The following PLXDC2 variants were observed in gnomAD, a reference collection of about 807,000 sequenced individuals.
PLXDC2 encodes the protein plexin domain-containing protein 2.
Under a neutral mutation model 68.9 loss-of-function variants are expected in PLXDC2, and 40 were observed. The ratio of observed to expected loss-of-function variants is 0.58; its 90% CI spans 0.45 to 0.76. PLXDC2 has a LOEUF of 0.76. PLXDC2 is among the 30% of genes least tolerant of loss of function. The pLI is 0.00. For missense variants in PLXDC2, 644 were observed against 661.9 expected (o/e 0.97, Z 0.30); for synonymous variants, 243 against 234.2 (o/e 1.04, Z -0.34).
At chr10:19,937,670 A>C (rs1002085443) in intron 1 of PLXDC2, among the ~76,000 whole-genome samples, 100 of 150,992 alleles carry the variant, frequency 6.6e-4, no homozygotes, top group African/African-American at 2.0e-3. Context: ...AGATGGCTGG[A>C]ATGTAACTCA....
intron 7 of PLXDC2, among the ~76,000 whole-genome samples, chr10:20,173,814 T>A (rs961180083): frequency 6.6e-6 from 1 of 152,200 alleles, no homozygotes; most frequent in Non-Finnish European, 1.5e-5. Context: ...ACAATTCTAA[T>A]TACTTGTTTC....
chr10:20,275,477 A>T (rs1835994335), intron 13 of PLXDC2, among the ~76,000 whole-genome samples: 1 of 152,186 alleles, frequency 6.6e-6, no homozygotes, highest in African/African-American at 2.4e-5. Flanking sequence ...AGGATTCATA[A>T]ACTCCATGAG....
At chr10:20,205,233 G>A (rs1197612134) in intron 9 of PLXDC2, among the ~76,000 whole-genome samples, 3 of 151,954 alleles carry the variant, frequency 2.0e-5, no homozygotes, top group Non-Finnish European at 4.4e-5. Context: ...TGTTCCCTGG[G>A]GGCTTTGAAA....
chr10:20,251,948 A>G (rs373525306), intron 13 of PLXDC2, among the ~76,000 whole-genome samples: 9 of 151,702 alleles, frequency 5.9e-5, no homozygotes, highest in South Asian at 2.1e-4. Flanking sequence ...GGAGGGTTAA[A>G]AAAAAAAAAG....
intron 1 of PLXDC2, among the ~76,000 whole-genome samples, chr10:19,992,940 C>A (rs2131630120): frequency 6.6e-6 from 1 of 152,196 alleles, no homozygotes; most frequent in East Asian, 1.9e-4. Flanking sequence ...CTAAACTGAT[C>A]CTCTGAACGA....
intron 1 of PLXDC2, among the ~76,000 whole-genome samples, chr10:19,986,948 C>G (rs955875701): frequency 6.6e-6 from 1 of 152,144 alleles, no homozygotes; most frequent in Non-Finnish European, 1.5e-5. Context: ...GTGCTCAAGG[C>G]TAGTTATCAC....
At chr10:20,135,724 A>G (rs888221705) in intron 4 of PLXDC2, among the ~76,000 whole-genome samples, 2 of 152,206 alleles carry the variant, frequency 1.3e-5, no homozygotes, top group Admixed American at 6.5e-5. Flanking sequence ...TGCAGCTGAT[A>G]ACAGAGTTGT....
chr10:20,204,452 G>A (rs543452118), intron 9 of PLXDC2, among the ~76,000 whole-genome samples: 1 of 151,846 alleles, frequency 6.6e-6, no homozygotes, highest in Non-Finnish European at 1.5e-5. Flanking sequence ...TTTGATTCTG[G>A]AGGATCATTT....
intron 2 of PLXDC2, among the ~76,000 whole-genome samples, chr10:20,018,439 A>G (rs774444128): frequency 5.9e-5 from 9 of 152,218 alleles, no homozygotes; most frequent in Non-Finnish European, 1.2e-4. Context: ...AGAACAAATC[A>G]TTAAAAATAA....
chr10:20,244,152 G>T (rs1051910140), intron 12 of PLXDC2, among the ~76,000 whole-genome samples: 1 of 152,006 alleles, frequency 6.6e-6, no homozygotes, highest in Non-Finnish European at 1.5e-5. Flanking sequence ...AAAAAATTAT[G>T]TCATGATTCA....
intron 4 of PLXDC2, among the ~76,000 whole-genome samples, chr10:20,124,469 A>G (rs1403651560): frequency 6.6e-6 from 1 of 152,110 alleles, no homozygotes; most frequent in Non-Finnish European, 1.5e-5. Context: ...CACGGAGCAA[A>G]GGACAGGAGG....
At chr10:20,238,662 A>AATATATATATAT (rs1554777528) in intron 12 of PLXDC2, among the ~76,000 whole-genome samples, 1 of 31,726 alleles carries the variant, frequency 3.2e-5, no homozygotes, top group Non-Finnish European at 7.6e-5. Context: ...TCTCAAAAAA[A>AATATATATATAT]ATATATATAT....
At chr10:19,992,126 T>C (rs1017107383) in intron 1 of PLXDC2, among the ~76,000 whole-genome samples, 3 of 152,154 alleles carry the variant, frequency 2.0e-5, no homozygotes, top group Non-Finnish European at 4.4e-5. Flanking sequence ...TTTCCACAAA[T>C]AAAATAGAAA....
At chr10:20,004,698 G>C (rs1277116963) in intron 2 of PLXDC2, among the ~76,000 whole-genome samples, 1 of 152,038 alleles carries the variant, frequency 6.6e-6, no homozygotes, top group Non-Finnish European at 1.5e-5. Flanking sequence ...TCTCCTGTGG[G>C]GTGCTGAATT....
At chr10:19,878,745 C>T (rs1000571352) in intron 1 of PLXDC2, among the ~76,000 whole-genome samples, 4 of 152,132 alleles carry the variant, frequency 2.6e-5, no homozygotes, top group African/African-American at 9.7e-5. Flanking sequence ...CAAAATAAAT[C>T]ATTTTGTGTC....
At chr10:19,884,749 T>C (rs1837809571) in intron 1 of PLXDC2, among the ~76,000 whole-genome samples, 1 of 152,188 alleles carries the variant, frequency 6.6e-6, no homozygotes, top group African/African-American at 2.4e-5. Context: ...ATCAAGTCTA[T>C]CGTTGTTGGA....
intron 1 of PLXDC2, among the ~76,000 whole-genome samples, chr10:19,871,803 T>A: frequency 6.6e-6 from 1 of 151,524 alleles, no homozygotes; most frequent in Non-Finnish European, 1.5e-5. Context: ...GGAGAATCAC[T>A]TGAACCCGGG....
At chr10:20,129,315 T>G (rs1833833404) in intron 4 of PLXDC2, among the ~76,000 whole-genome samples, 1 of 152,116 alleles carries the variant, frequency 6.6e-6, no homozygotes, top group Non-Finnish European at 1.5e-5. Flanking sequence ...GTCCATTGTT[T>G]AATTGGGTTG....
At chr10:19,888,075 T>A (rs1837882171) in intron 1 of PLXDC2, among the ~76,000 whole-genome samples, 1 of 152,238 alleles carries the variant, frequency 6.6e-6, no homozygotes, top group South Asian at 2.1e-4. Flanking sequence ...TGTTCAGCTG[T>A]GAGAAATTGT....
Sources: gnomAD v4.1 joint callset for allele counts (sites outside exome capture counted in the v4.1 genomes callset) on GRCh38, gnomAD v4.1.1 for gene constraint, MANE v1.5 for transcripts, NCBI Gene and HGNC (gene_info 2026-07-23, HGNC 2026-07-21) for gene names.